APOBEC4: variants seen among roughly 807,000 people sequenced by gnomAD.
APOBEC4 encodes the protein putative deaminase APOBEC-4.
For missense variants in APOBEC4, 375 were observed against 441.2 expected, an observed-to-expected ratio of 0.85 and a Z score of 1.34; for synonymous variants, 141 against 154.2, an observed-to-expected ratio of 0.91 and a Z score of 0.63.
rs775443610 is a variant in APOBEC4 at position 183,646,344 on chromosome 1, T to C, written c.*1334A>G. The C allele has an allele frequency of 1.3e-5, 2 of 152,162 alleles. No individual in the cohort carries two copies. The highest frequency in any genetic ancestry group is 2.9e-5 in the Non-Finnish European group (2 of 68,026). The allele number at this position is 152,162 out of a possible 1,614,324, so 9.4% of individuals were successfully genotyped here. ...AATTGCTATTCCTAAAATATGTTTT[T>C]CTTTCTCCTCCTCCCTTATGGAGTA... is the stretch of plus-strand genomic sequence containing the variant. On this transcript the variant is annotated 3_prime_UTR_variant, in exon 2 of 2. Transcript: ENST00000308641.
chr1:183,648,092 A>G lies in APOBEC4; in HGVS notation c.690T>C (p.Asn230=). The change falls in exon 2 of 2, where the codon AAT becomes AAC. Residue 230 remains asparagine, a synonymous_variant. Transcript: ENST00000308641. ...AGTAAGGTTTTACGCCTGTTATGGC[A>G]TTGATTTCATATGCGTTGTGCCTGT... ...LADRHNAYEI[N]AITGVKPYFT... 1.2e-6 allele frequency: 2 copies of G among 1,614,234 alleles called. 1 individual carries two copies. The highest frequency in any genetic ancestry group is 2.2e-5 in the South Asian group (2 of 91,082).
chr1:183,647,746 C>T lies in APOBEC4; in HGVS notation c.1036G>A (p.Glu346Lys). The T allele has an allele frequency of 6.2e-7, 1 of 1,613,982 alleles. No individual in the cohort carries two copies. The highest frequency in any genetic ancestry group is 8.5e-7 in the Non-Finnish European group (1 of 1,179,904). The change falls in exon 2 of 2, where the codon GAA becomes AAA. Residue 346 changes from glutamate to lysine, a missense_variant. By Grantham distance (56) the Glu-to-Lys change is moderately conservative. Coordinates refer to ENST00000308641, the MANE Select transcript of APOBEC4 (RefSeq NM_203454.3). The part of the protein sequence containing the change: ...LPTGRSVEIV[E>K]ITEQFASSKE... ...CTACTTGCAAACTGTTCTGTGATTT[C>T]CACTATCTCCACTGACCTTCCAGTG...
chr1:183,650,498 C>G (rs905812053), intron 1 of APOBEC4, among the ~76,000 whole-genome samples: 2 of 152,036 alleles, frequency 1.3e-5, no homozygotes, highest in Non-Finnish European at 2.9e-5. Flanking sequence ...AGCCAACATC[C>G]CACCACTGCA....
At position 183,648,277 on chromosome 1, in the gene APOBEC4, A is replaced by G. The variant is rs1469996060; in HGVS notation, c.505T>C (p.Trp169Arg). 1.9e-6 allele frequency: 3 copies of G among 1,614,200 alleles called. No homozygotes were observed. The highest frequency in any genetic ancestry group is 1.1e-5 in the South Asian group (1 of 91,088). The change falls in exon 2 of 2, where the codon TGG becomes CGG. Residue 169 changes from tryptophan to arginine, a missense_variant. By Grantham distance (101) the Trp-to-Arg change is moderately radical. Coordinates refer to ENST00000308641, the MANE Select transcript of APOBEC4 (RefSeq NM_203454.3). ...AGGCTCCGGAGAGCTTCGCGGTTCCATGCTGAGGCAGGAAAGTCCATCTCA... is the reference window on the plus strand; with the variant it reads ...AGGCTCCGGAGAGCTTCGCGGTTCCGTGCTGAGGCAGGAAAGTCCATCTCA... ...HTEMDFPASA[W>R]NREALRSLAS...
chr1:183,648,289 GA>G lies in APOBEC4; in HGVS notation c.492del (p.Pro165LeufsTer22), dbSNP rs1558132297. 2 of 1,614,196 alleles carry G rather than the reference GA, an allele frequency of 1.2e-6. No individual in the cohort carries two copies. Among genetic ancestry groups the G allele is most frequent in the Admixed American group, 3.3e-5 (2 of 60,020 alleles). On this transcript the variant is annotated frameshift_variant, in exon 2 of 2. Transcript: ENST00000308641. LOFTEE classifies it low-confidence loss of function (END_TRUNC). ...FSQLYHTEMDFPASAWNREAL... is the reference protein window; with the variant it reads ...FSQLYHTEMDXPASAWNREAL... ...GCTTCGCGGTTCCATGCTGAGGCAGGAAAGTCCATCTCAGTATGATAGAGCT... is the reference window on the plus strand; with the variant it reads ...GCTTCGCGGTTCCATGCTGAGGCAGGAAGTCCATCTCAGTATGATAGAGCT...
intron 1 of APOBEC4, among the ~76,000 whole-genome samples, chr1:183,651,152 TTTC>T (rs996086610): frequency 1.9e-4 from 29 of 152,344 alleles, no homozygotes; most frequent in Admixed American, 1.7e-3. Context: ...TGTGATTTTT[TTTC>T]TTATTGTATT....
chr1:183,647,958 G>C lies in APOBEC4; in HGVS notation c.824C>G (p.Pro275Arg). The C allele has an allele frequency of 6.2e-7, 1 of 1,614,160 alleles. No individual in the cohort carries two copies. ...TAGGTTGGGTTGGAGTTGTCCACTCGGCATTTGAAAAAACTGTCCAGGAAA... is the reference window on the plus strand; with the variant it reads ...TAGGTTGGGTTGGAGTTGTCCACTCCGCATTTGAAAAAACTGTCCAGGAAA... ...NAFPGQFFQM[P>R]SGQLQPNLPP... is the part of the protein sequence containing the mutation. The change falls in exon 2 of 2, where the codon CCG becomes CGG. Residue 275 changes from proline to arginine, a missense_variant. Coordinates refer to ENST00000308641, the MANE Select transcript of APOBEC4 (RefSeq NM_203454.3).
chr1:183,651,773 T>C (rs1399108112), intron 1 of APOBEC4, among the ~76,000 whole-genome samples: 3 of 152,210 alleles, frequency 2.0e-5, no homozygotes, highest in Non-Finnish European at 4.4e-5. Context: ...TGTCATAGCT[T>C]TCCTTCTAGA....
At position 183,647,589 on chromosome 1, in the gene APOBEC4, C is replaced by T. The variant is rs1290248991; in HGVS notation, c.*89G>A. On this transcript the variant is annotated 3_prime_UTR_variant, in exon 2 of 2. Transcript: ENST00000308641. ...GTGCATCAGTTTATCTCCATCTTGG[C>T]TCAGCCCTGAGAGAGAAAGTTTCCA... is the stretch of plus-strand genomic sequence containing the variant. 10 of 1,486,162 alleles carry T rather than the reference C, an allele frequency of 6.7e-6. No homozygotes were observed. In the East Asian group the frequency reaches 2.0e-4, roughly 30 times the overall value. The allele number at this position is 1,486,162 out of a possible 1,614,324, so 92.1% of individuals were successfully genotyped here.
chr1:183,651,133 C>G (rs943983716), intron 1 of APOBEC4, among the ~76,000 whole-genome samples: 1 of 152,112 alleles, frequency 6.6e-6, no homozygotes, highest in Non-Finnish European at 1.5e-5. Context: ...GTGGTCCAGT[C>G]TCTACTCCTG....
chr1:183,647,991 TTTAAGGGGTAGCTCTC>T lies in APOBEC4; in HGVS notation c.775_790del (p.Glu259ThrfsTer32). On this transcript the variant is annotated frameshift_variant, in exon 2 of 2. Transcript: ENST00000308641. LOFTEE classifies it low-confidence loss of function (END_TRUNC). ...AAAAAACTGTCCAGGAAAGGCATTGTTTAAGGGGTAGCTCTCTAAAGCCTCCTGAGCTTTTGTGTTT... is the reference window on the plus strand; with the variant it reads ...AAAAAACTGTCCAGGAAAGGCATTGTTAAAGCCTCCTGAGCTTTTGTGTTT... 1 of 1,614,190 alleles carries T rather than the reference TTTAAGGGGTAGCTCTC, an allele frequency of 6.2e-7. No homozygotes were observed. Among genetic ancestry groups the T allele is most frequent in the Non-Finnish European group, 8.5e-7 (1 of 1,180,030 alleles).
In APOBEC4 at chr1:183,647,793, GTT is replaced by G; in HGVS notation, c.987_988del (p.Glu329AspfsTer25). On this transcript the variant is annotated frameshift_variant, in exon 2 of 2. Coordinates refer to ENST00000308641, the MANE Select transcript of APOBEC4 (RefSeq NM_203454.3). LOFTEE classifies it low-confidence loss of function (END_TRUNC). Reference sequence around the variant, plus strand: ...AGTGGGAAGCCTTCCAAGGTCCTTGGTTTCCTGGAATGACATTTGAGGCATAT... The same window carrying G: ...AGTGGGAAGCCTTCCAAGGTCCTTGGTCCTGGAATGACATTTGAGGCATAT... 1.2e-6 allele frequency: 2 copies of G among 1,614,114 alleles called. No homozygotes were observed. Among genetic ancestry groups the G allele is most frequent in the Non-Finnish European group, 1.7e-6 (2 of 1,180,032 alleles).
rs966429565 is a variant in APOBEC4, at chr1:183,646,805, A to C, written c.*873T>G. 6.6e-6 allele frequency: 1 copy of C among 152,222 alleles called. No individual in the cohort carries two copies. The highest frequency in any genetic ancestry group is 1.5e-5 in the Non-Finnish European group (1 of 68,030). The allele number at this position is 152,222 out of a possible 1,614,324, so 9.4% of individuals were successfully genotyped here. A position where few individuals can be genotyped will look rare whatever the true frequency, so the allele number is the denominator to read the frequency against. ...GATGCTGAGTTACAATCATTGGTGA[A>C]GTTATTGAGATGTCATTTCAGCCTT... On this transcript the variant is annotated 3_prime_UTR_variant, in exon 2 of 2. Transcript: ENST00000308641.
Position 183,648,132 on chromosome 1 carries a change from C to A in APOBEC4, c.650G>T (p.Gly217Val), listed in dbSNP as rs764238942. Residue 217 changes from glycine (G) to valine (V), a missense_variant, in exon 2 of 2, where the codon GGG becomes GTG. Transcript: ENST00000308641. ...GTTGTGCCTGTCAGCCAGTGCTCTC[C>A]CAGTTAAAATGGGCTGAAAAACATG... Reference protein sequence around the residue: ...GSHVFQPILTGRALADRHNAY... With the variant: ...GSHVFQPILTVRALADRHNAY... The A allele has an allele frequency of 6.2e-7, 1 of 1,614,152 alleles. No homozygotes were observed. Among genetic ancestry groups the A allele is most frequent in the East Asian group, 2.2e-5 (1 of 44,890 alleles).
At chr1:183,649,479 A>G (rs1026912342) in intron 1 of APOBEC4, among the ~76,000 whole-genome samples, 3 of 152,202 alleles carry the variant, frequency 2.0e-5, no homozygotes, top group African/African-American at 4.8e-5. Flanking sequence ...ATCACTGGAA[A>G]TAATTTGGAG....
chr1:183,647,554 T>G lies in APOBEC4; in HGVS notation c.*124A>C. On this transcript the variant is annotated 3_prime_UTR_variant, in exon 2 of 2. Transcript: ENST00000308641. ...AGTTGATATGGTAAATAATTCAAGG[T>G]TTGCTTTTAGTGCATCAGTTTATCT... The G allele has an allele frequency of 1.4e-6, 2 of 1,405,504 alleles. No homozygotes were observed. Among genetic ancestry groups the G allele is most frequent in the South Asian group, 3.3e-5 (2 of 60,450 alleles). 87.1% of individuals were successfully genotyped at this position (1,405,504 alleles called of 1,614,324 possible). A position where few individuals can be genotyped will look rare whatever the true frequency, so the allele number is the denominator to read the frequency against.
At position 183,648,309 on chromosome 1, in the gene APOBEC4, T is replaced by A. The variant is rs779211891; in HGVS notation, c.473A>T (p.Tyr158Phe). The A allele has an allele frequency of 8.4e-5, 136 of 1,614,040 alleles. No homozygotes were observed. The highest frequency in any genetic ancestry group is 1.1e-4 in the Non-Finnish European group (127 of 1,180,044). ...ITLSIYFSQL[Y>F]HTEMDFPASA... The stretch of plus-strand genomic sequence containing the variant: ...GGCAGGAAAGTCCATCTCAGTATGA[T>A]AGAGCTGAGAAAAATAAATACTAAG... Residue 158 changes from tyrosine to phenylalanine, a missense_variant, in exon 2 of 2, where the codon TAT becomes TTT. Physicochemically the swap from Tyr to Phe is conservative, Grantham distance 22 (BLOSUM62 3). Coordinates refer to ENST00000308641, the MANE Select transcript of APOBEC4 (RefSeq NM_203454.3).
rs1650342282 is a variant in APOBEC4 at position 183,647,062 on chromosome 1, G to A, written c.*616C>T. On this transcript the variant is annotated 3_prime_UTR_variant, in exon 2 of 2. Coordinates refer to ENST00000308641, the MANE Select transcript of APOBEC4 (RefSeq NM_203454.3). ...TCATCTTACCTCTATCATCTGCTCA[G>A]AAGGGAGAGGTCTGAGCTGGGGAAG... 6.6e-6 allele frequency: 1 copy of A among 152,270 alleles called. No homozygotes were observed. The highest frequency in any genetic ancestry group is 6.5e-5 in the Admixed American group (1 of 15,292). The allele number at this position is 152,270 out of a possible 1,614,324, so 9.4% of individuals were successfully genotyped here.
rs1650508613 is a variant in APOBEC4, at chr1:183,648,798, T to C, written c.-17A>G. 6.5e-7 allele frequency: 1 copy of C among 1,548,570 alleles called. No individual in the cohort carries two copies. Among genetic ancestry groups the C allele is most frequent in the African/African-American group, 1.4e-5 (1 of 72,452 alleles). The stretch of plus-strand genomic sequence containing the variant: ...GGGCTCCATTGCTAGATTTACTGTC[T>C]TCTAGCTGCAAACCTAAACAAGGAA... On this transcript the variant is annotated 5_prime_UTR_variant, in exon 2 of 2. Coordinates refer to ENST00000308641, the MANE Select transcript of APOBEC4 (RefSeq NM_203454.3).
Sources: allele counts gnomAD v4.1 joint callset (sites outside exome capture counted in the v4.1 genomes callset), GRCh38; gene constraint gnomAD v4.1.1; transcripts MANE v1.5; gene names NCBI Gene and HGNC (gene_info 2026-07-23, HGNC 2026-07-21).